MALRD1: variants seen among roughly 807,000 people sequenced by gnomAD.
The protein encoded by MALRD1 is MAM and LDL-receptor class A domain-containing protein 1.
Under a neutral mutation model 242.1 loss-of-function variants are expected in MALRD1, and 247 were observed. That is an observed-to-expected ratio of 1.02 (90% CI 0.92 to 1.13). MALRD1 has a LOEUF of 1.13. Ranked by LOEUF, MALRD1 falls within the 50% of genes most tolerant of loss-of-function variation. MALRD1 has a pLI of 0.00. For synonymous variants in MALRD1, 995 were observed against 866.6 expected, an observed-to-expected ratio of 1.15 and a Z score of -2.60; for missense variants, 2,989 against 2,533.1, an observed-to-expected ratio of 1.18 and a Z score of -3.86.
intron 26 of MALRD1, among the ~76,000 whole-genome samples, chr10:19,385,493 G>A (rs1041680366): frequency 6.6e-6 from 1 of 151,954 alleles, no homozygotes; most frequent in African/African-American, 2.4e-5. Flanking sequence ...TTCTAGGAAT[G>A]TATCCATTTA....
intron 18 of MALRD1, among the ~76,000 whole-genome samples, chr10:19,233,965 G>A (rs950521505): frequency 6.6e-6 from 1 of 151,706 alleles, no homozygotes; most frequent in Admixed American, 6.6e-5. Context: ...TACATGTTAT[G>A]CTTTTATGCT....
At chr10:19,059,674 G>A (rs915141298) in intron 1 of MALRD1, among the ~76,000 whole-genome samples, 2 of 152,050 alleles carry the variant, frequency 1.3e-5, no homozygotes, top group Non-Finnish European at 2.9e-5. Context: ...TTATAGGCAT[G>A]AGCCACTGCG....
At chr10:19,333,664 A>G (rs1001011300) in intron 24 of MALRD1, among the ~76,000 whole-genome samples, 7 of 152,144 alleles carry the variant, frequency 4.6e-5, no homozygotes, top group Admixed American at 2.6e-4. Context: ...TATATATCCA[A>G]TAATGGAATT....
rs143060601 is a variant in MALRD1, at chr10:19,713,819, A to G, written c.6315-16887A>G. Among the ~76,000 whole-genome samples the G allele has an allele frequency of 1.1e-3, 172 of 152,336 alleles. 1 individual carries two copies. The highest frequency in any genetic ancestry group is 3.9e-3 in the African/African-American group (163 of 41,578). On this transcript the variant is annotated intron_variant, in intron 38 of 39. Coordinates refer to ENST00000454679, the MANE Select transcript of MALRD1 (RefSeq NM_001142308.3). ...GTCAGTCTGGTTCTGGAGTTAGCAA[A>G]GGTTCTGGTCAATGAGAAAGGGATT...
rs761332394 is a variant in MALRD1 at position 19,209,336 on chromosome 10, G to C, written c.2647G>C (p.Asp883His). 61 of 1,550,306 alleles carry C rather than the reference G, an allele frequency of 3.9e-5. No individual in the cohort carries two copies. The highest frequency in any genetic ancestry group is 5.1e-5 in the Non-Finnish European group (58 of 1,146,922). The part of the protein sequence containing the change: ...NWEQDAKDDF[D>H]WTRSQGPTPT... ...GGAACAAGATGCAAAAGATGACTTTGATTGGACCAGGAGCCAGGGTCCAAC... is the reference window on the plus strand; with the variant it reads ...GGAACAAGATGCAAAAGATGACTTTCATTGGACCAGGAGCCAGGGTCCAAC... The change falls in exon 18 of 40, where the codon GAT becomes CAT. Residue 883 changes from aspartate to histidine, a missense_variant. By Grantham distance (81) the Asp-to-His change is moderately conservative. Transcript: ENST00000454679.
chr10:19,502,026 G>A (rs2358411), intron 31 of MALRD1, among the ~76,000 whole-genome samples: 19,629 of 50,184 alleles, frequency 0.39, 2,090 homozygotes, highest in African/African-American at 0.49. Context: ...AAAAAAAAAA[G>A]AAAAGAAAAG....
intron 36 of MALRD1, among the ~76,000 whole-genome samples, chr10:19,685,656 T>C (rs752806319): frequency 1.3e-5 from 2 of 152,230 alleles, no homozygotes; most frequent in African/African-American, 4.8e-5. Context: ...TCAATGACTT[T>C]GAAGGCTCTG....
At chr10:19,214,516 T>C (rs1222243858) in intron 18 of MALRD1, among the ~76,000 whole-genome samples, 11 of 152,200 alleles carry the variant, frequency 7.2e-5, no homozygotes, top group Admixed American at 6.5e-4. Flanking sequence ...AATTTTCAGA[T>C]GGCACAGAAC....
chr10:19,482,828 TG>T (rs1837064853), intron 29 of MALRD1, among the ~76,000 whole-genome samples: 1 of 152,094 alleles, frequency 6.6e-6, no homozygotes, highest in African/African-American at 2.4e-5. Flanking sequence ...TCCATGTTCA[TG>T]GGTTGGAAGA....
intron 33 of MALRD1, among the ~76,000 whole-genome samples, chr10:19,593,237 A>T (rs913498942): frequency 6.6e-6 from 1 of 152,184 alleles, no homozygotes; most frequent in Non-Finnish European, 1.5e-5. Flanking sequence ...CATGATAGCG[A>T]TGTCTCCAAG....
At chr10:19,230,802 G>A (rs1838020046) in intron 18 of MALRD1, among the ~76,000 whole-genome samples, 1 of 152,042 alleles carries the variant, frequency 6.6e-6, no homozygotes, top group Admixed American at 6.6e-5. Flanking sequence ...CAAATGCAAG[G>A]CAAAACACAT....
At chr10:19,733,804 C>T (rs767503133) in intron 39 of MALRD1, among the ~76,000 whole-genome samples, 8 of 151,642 alleles carry the variant, frequency 5.3e-5, no homozygotes, top group Non-Finnish European at 8.8e-5. Flanking sequence ...TACTTAAAGG[C>T]ATTGGTTTTG....
intron 10 of MALRD1, among the ~76,000 whole-genome samples, chr10:19,143,147 T>C (rs1453694235): frequency 2.6e-5 from 4 of 152,234 alleles, no homozygotes; most frequent in African/African-American, 9.6e-5. Flanking sequence ...ATGATTGACA[T>C]TTTTTAACCA....
chr10:19,323,537 A>G (rs1440464426), intron 21 of MALRD1, among the ~76,000 whole-genome samples: 3 of 152,168 alleles, frequency 2.0e-5, no homozygotes, highest in Non-Finnish European at 4.4e-5. Flanking sequence ...AAGCTATATA[A>G]CACATTATAC....
intron 38 of MALRD1, among the ~76,000 whole-genome samples, chr10:19,719,652 G>C (rs894402270): frequency 6.6e-6 from 1 of 152,020 alleles, no homozygotes; most frequent in East Asian, 1.9e-4. Context: ...TTTCCTCTGC[G>C]TTTTGTGGCA....
chr10:19,185,944 A>G (rs1835721031), intron 14 of MALRD1, among the ~76,000 whole-genome samples: 1 of 152,106 alleles, frequency 6.6e-6, no homozygotes, highest in Admixed American at 6.6e-5. Context: ...CTTAATTATA[A>G]TATTAAAGGA....
rs553202280 is a variant in MALRD1, at chr10:19,698,567, T to A, written c.6314+6013T>A. On this transcript the variant is annotated intron_variant, in intron 38 of 39. Transcript: ENST00000454679. The stretch of plus-strand genomic sequence containing the variant: ...GTGCGGTATCTTTGGTGAGAAGTTT[T>A]TCCTCTTTCCTGGGAGAAGAAATGG... Among the ~76,000 whole-genome samples, 12 of 152,292 alleles carry A rather than the reference T, an allele frequency of 7.9e-5. No homozygotes were observed. The South Asian group carries it at 2.3e-3, about 29-fold the overall frequency.
At chr10:19,072,044 T>C (rs762802599) in intron 2 of MALRD1, among the ~76,000 whole-genome samples, 33 of 152,154 alleles carry the variant, frequency 2.2e-4, no homozygotes, top group Non-Finnish European at 3.8e-4. Context: ...CACGTACTTA[T>C]GATTACATAT....
chr10:19,255,921 A>G (rs527263688), intron 18 of MALRD1, among the ~76,000 whole-genome samples: 1 of 152,202 alleles, frequency 6.6e-6, no homozygotes, highest in South Asian at 2.1e-4. Context: ...TTAAATTTTC[A>G]TAAATAGCCA....
Sources: allele counts gnomAD v4.1 joint callset (sites outside exome capture counted in the v4.1 genomes callset), GRCh38; gene constraint gnomAD v4.1.1; transcripts MANE v1.5; gene names NCBI Gene and HGNC (gene_info 2026-07-23, HGNC 2026-07-21).